The following FGF7 variants were observed in gnomAD, a reference collection of about 807,000 sequenced individuals.
FGF7 encodes the protein fibroblast growth factor 7.
FGF7 carries 6 observed loss-of-function variants against 20.5 expected under a neutral mutation model. That is an observed-to-expected ratio of 0.29 (90% CI 0.16 to 0.58). The LOEUF (loss-of-function observed/expected upper bound fraction) is 0.58, where lower values mean the gene tolerates loss of function less well. Ranked by LOEUF, FGF7 falls within the 20% of genes least tolerant of loss-of-function variation. The pLI, the probability that FGF7 is intolerant of heterozygous loss-of-function variation, is 0.90. For missense variants in FGF7, 144 were observed against 228.8 expected (o/e 0.63, Z 2.39); for synonymous variants, 64 against 74.7 (o/e 0.86, Z 0.74).
chr15:49,478,958 A>AT (rs2055624321), intron 2 of FGF7, among the ~76,000 whole-genome samples: 1 of 152,172 alleles, frequency 6.6e-6, no homozygotes, highest in African/African-American at 2.4e-5. Flanking sequence ...ATTTTAGAGA[A>AT]TTTTTTTAAA....
At chr15:49,433,035 G>T (rs1469794719) in intron 2 of FGF7, among the ~76,000 whole-genome samples, 1 of 151,318 alleles carries the variant, frequency 6.6e-6, no homozygotes, top group Non-Finnish European at 1.5e-5. Flanking sequence ...AAAATTTGTT[G>T]CTATTTCAAT....
In FGF7 at chr15:49,424,179, T is replaced by G. The variant is rs531184431; in HGVS notation, c.-119T>G. ...CTAACAATTTGGAAAGAGCAACTAC[T>G]CTTTCTTAAATCAATCTACAATTCA... On this transcript the variant is annotated 5_prime_UTR_variant, in exon 2 of 4. Transcript: ENST00000267843. The G allele has an allele frequency of 1.8e-4, 160 of 905,916 alleles. No homozygotes were observed. Among genetic ancestry groups the G allele is most frequent in the Non-Finnish European group, 2.7e-4 (157 of 592,232 alleles). The allele number at this position is 905,916 out of a possible 1,614,324, so 56.1% of individuals were successfully genotyped here. A position where few individuals can be genotyped will look rare whatever the true frequency, so the allele number is the denominator to read the frequency against.
chr15:49,431,075 C>A (rs1352782379), intron 2 of FGF7, among the ~76,000 whole-genome samples: 1 of 151,780 alleles, frequency 6.6e-6, no homozygotes, highest in African/African-American at 2.4e-5. Flanking sequence ...GAATACAATA[C>A]TTTTCCATTT....
intron 2 of FGF7, among the ~76,000 whole-genome samples, chr15:49,480,976 G>A (rs187806302): frequency 6.6e-6 from 1 of 152,300 alleles, no homozygotes; most frequent in East Asian, 1.9e-4. Flanking sequence ...TAAAAGAAAA[G>A]CCAGCAAACA....
chr15:49,463,806 C>A (rs1034708740), intron 2 of FGF7, among the ~76,000 whole-genome samples: 1 of 152,144 alleles, frequency 6.6e-6, no homozygotes, highest in Non-Finnish European at 1.5e-5. Flanking sequence ...TGAGGAAAGG[C>A]AAGGCAGCTT....
At chr15:49,462,651 C>A (rs2053910266) in intron 2 of FGF7, among the ~76,000 whole-genome samples, 1 of 152,202 alleles carries the variant, frequency 6.6e-6, no homozygotes, top group African/African-American at 2.4e-5. Flanking sequence ...GGAAAGCTAA[C>A]TCACTGTTGC....
chr15:49,443,659 G>A (rs1361665380), intron 2 of FGF7, among the ~76,000 whole-genome samples: 2 of 151,724 alleles, frequency 1.3e-5, no homozygotes, highest in Non-Finnish European at 3.0e-5. Flanking sequence ...AGAAGTGAGT[G>A]AAGTTCCAAT....
intron 2 of FGF7, among the ~76,000 whole-genome samples, chr15:49,433,819 G>A (rs1008988251): frequency 1.3e-5 from 2 of 151,660 alleles, no homozygotes; most frequent in Non-Finnish European, 2.9e-5. Flanking sequence ...ATCCATGCAT[G>A]CCAAAAACTA....
chr15:49,444,513 T>C (rs919636961), intron 2 of FGF7, among the ~76,000 whole-genome samples: 4 of 151,738 alleles, frequency 2.6e-5, no homozygotes, highest in African/African-American at 7.2e-5. Flanking sequence ...AAAACATCAA[T>C]AGATTGTAGT....
At position 49,470,257 on chromosome 15, in the gene FGF7, C is replaced by CACTGGGAAT. The variant is rs1305934540; in HGVS notation, c.287-12890_287-12889insGGAATACTG. 4.6e-5 allele frequency among the ~76,000 whole-genome samples: 7 copies of CACTGGGAAT among 152,154 alleles called. No individual in the cohort carries two copies. In the South Asian group the frequency reaches 8.3e-4, roughly 18 times the overall value. On this transcript the variant is annotated intron_variant, in intron 2 of 3. Coordinates refer to ENST00000267843, the MANE Select transcript of FGF7 (RefSeq NM_002009.4). ...CCTTATAATTCTTTAACACTGGGAA[C>CACTGGGAAT]ACTGAGTACATATTAAATATTTTTA...
intron 2 of FGF7, 91 bp from the exon 3 acceptor site, chr15:49,483,060 G>A (rs559697329): frequency 1.4e-5 from 11 of 791,994 alleles, no homozygotes; most frequent in Middle Eastern, 7.0e-4. Context: ...AAAAACTTCC[G>A]ATTAAAACAG....
chr15:49,465,716 CTTAT>C (rs1331489697), intron 2 of FGF7, among the ~76,000 whole-genome samples: 1 of 152,088 alleles, frequency 6.6e-6, no homozygotes. Context: ...GAATTTTGTG[CTTAT>C]TTAATTAAAC....
chr15:49,444,811 A>T (rs2052029441), intron 2 of FGF7, among the ~76,000 whole-genome samples: 1 of 151,714 alleles, frequency 6.6e-6, no homozygotes, highest in East Asian at 1.9e-4. Context: ...ATCTTGAATC[A>T]ATGTTTTTGT....
chr15:49,437,571 T>C (rs1361954661), intron 2 of FGF7, among the ~76,000 whole-genome samples: 3 of 151,702 alleles, frequency 2.0e-5, no homozygotes, highest in Non-Finnish European at 4.4e-5. Flanking sequence ...CTCAATATTT[T>C]TCTGAAAACC....
At chr15:49,462,788 A>G (rs2053923510) in intron 2 of FGF7, among the ~76,000 whole-genome samples, 1 of 152,214 alleles carries the variant, frequency 6.6e-6, no homozygotes, top group Non-Finnish European at 1.5e-5. Flanking sequence ...AGCTTAGACT[A>G]GTGAAGACTT....
intron 2 of FGF7, among the ~76,000 whole-genome samples, chr15:49,474,542 C>A (rs1286161424): frequency 6.6e-6 from 1 of 151,934 alleles, no homozygotes; most frequent in Non-Finnish European, 1.5e-5. Flanking sequence ...AAAAGAGAGG[C>A]ATCAGTAAAA....
At chr15:49,436,624 T>C (rs2051128920) in intron 2 of FGF7, among the ~76,000 whole-genome samples, 1 of 151,522 alleles carries the variant, frequency 6.6e-6, no homozygotes, top group African/African-American at 2.4e-5. Context: ...CACAGGGCTC[T>C]TATTAGGTGG....
chr15:49,433,697 G>A (rs1374676494), intron 2 of FGF7, among the ~76,000 whole-genome samples: 1 of 151,568 alleles, frequency 6.6e-6, no homozygotes, highest in African/African-American at 2.4e-5. Context: ...AGCAGACACA[G>A]TTACCACTGG....
chr15:49,468,492 C>T (rs1295718561), intron 2 of FGF7, among the ~76,000 whole-genome samples: 1 of 152,112 alleles, frequency 6.6e-6, no homozygotes, highest in Non-Finnish European at 1.5e-5. Context: ...AGCTACAGGG[C>T]ATGCTTTCTT....
Sources: gnomAD v4.1 joint callset for allele counts (sites outside exome capture counted in the v4.1 genomes callset) on GRCh38, gnomAD v4.1.1 for gene constraint, MANE v1.5 for transcripts, NCBI Gene and HGNC (gene_info 2026-07-23, HGNC 2026-07-21) for gene names.